TNFSF4: variants seen among roughly 807,000 people sequenced by gnomAD.
The protein encoded by TNFSF4 is TNF superfamily member 4.
A neutral mutation model predicts 7.3 loss-of-function variants in TNFSF4; 4 were observed. That is an observed-to-expected ratio of 0.55 (90% CI 0.27 to 1.25). The LOEUF (loss-of-function observed/expected upper bound fraction) is 1.25, where lower values mean the gene tolerates loss of function less well. Among genes scored for constraint, TNFSF4 ranks in the 50% most tolerant of loss-of-function variants. TNFSF4 has a pLI of 0.12. For synonymous variants in TNFSF4, 76 were observed against 83.7 expected, an observed-to-expected ratio of 0.91 and a Z score of 0.50; for missense variants, 181 against 208.8, an observed-to-expected ratio of 0.87 and a Z score of 0.82.
At chr1:173,352,258 T>C in the TNFSF4 span, among the ~76,000 whole-genome samples, 1 of 152,170 alleles carries the variant, frequency 6.6e-6, no homozygotes, top group Admixed American at 6.5e-5. Flanking sequence ...TGTCGTCTTC[T>C]AAAGTGATCT....
At chr1:173,364,824 C>A in the TNFSF4 span, among the ~76,000 whole-genome samples, 174 of 151,912 alleles carry the variant, frequency 1.1e-3, 3 homozygotes, top group East Asian at 0.033. Flanking sequence ...GGGCAGTAGT[C>A]AAGTTTGTAC....
the TNFSF4 span, among the ~76,000 whole-genome samples, chr1:173,341,779 T>C: frequency 6.6e-6 from 1 of 152,318 alleles, no homozygotes; most frequent in South Asian, 2.1e-4. Context: ...TCTGTTGGTA[T>C]GCGCTCTGAT....
downstream of TNFSF4, among the ~76,000 whole-genome samples, chr1:173,179,887 G>A (rs1349743422): frequency 1.3e-5 from 2 of 152,150 alleles, no homozygotes; most frequent in African/African-American, 2.4e-5. Context: ...GTCTTGGATG[G>A]TATTTTTAAC....
the TNFSF4 span, among the ~76,000 whole-genome samples, chr1:173,276,600 T>C: frequency 2.6e-5 from 4 of 152,168 alleles, no homozygotes; most frequent in Non-Finnish European, 4.4e-5. Flanking sequence ...CCCAGTGGCA[T>C]TGCTGGTTAG....
chr1:173,354,205 A>G, the TNFSF4 span, among the ~76,000 whole-genome samples: 1 of 152,210 alleles, frequency 6.6e-6, no homozygotes, highest in Non-Finnish European at 1.5e-5. Context: ...AGATAATATT[A>G]TAAATATCTC....
chr1:173,340,323 TACACACACACACAC>T, the TNFSF4 span, among the ~76,000 whole-genome samples: 261 of 135,866 alleles, frequency 1.9e-3, 2 homozygotes, highest in African/African-American at 5.0e-3. Flanking sequence ...CTAATCTGTT[TACACACACACACAC>T]ACACACACAC....
chr1:173,241,586 A>C, the TNFSF4 span, among the ~76,000 whole-genome samples: 1 of 152,366 alleles, frequency 6.6e-6, no homozygotes, highest in Admixed American at 6.5e-5. Flanking sequence ...TAAAGAGTAC[A>C]GGATGGCTGA....
chr1:173,414,317 AG>A, the TNFSF4 span, among the ~76,000 whole-genome samples: 1 of 152,066 alleles, frequency 6.6e-6, no homozygotes, highest in Non-Finnish European at 1.5e-5. Flanking sequence ...ACAGAGGAAA[AG>A]ATCTCTGGTA....
chr1:173,226,316 G>A, the TNFSF4 span, among the ~76,000 whole-genome samples: 1 of 152,172 alleles, frequency 6.6e-6, no homozygotes, highest in Non-Finnish European at 1.5e-5. Context: ...AGTGGAATGT[G>A]GGGGGATGTG....
At chr1:173,205,714 A>C in intron 1 of TNFSF4, 1 of 427,646 alleles carries the variant, frequency 2.3e-6, no homozygotes, top group Non-Finnish European at 3.1e-6. Context: ...TGTCTTGGGC[A>C]TCCGGTCGAT....
chr1:173,227,888 G>A, the TNFSF4 span, among the ~76,000 whole-genome samples: 1 of 152,200 alleles, frequency 6.6e-6, no homozygotes, highest in African/African-American at 2.4e-5. Flanking sequence ...GAGGCTGGGG[G>A]AGGGGCGCCC....
At chr1:173,231,422 A>C in the TNFSF4 span, among the ~76,000 whole-genome samples, 1 of 152,178 alleles carries the variant, frequency 6.6e-6, no homozygotes, top group South Asian at 2.1e-4. Flanking sequence ...CTCTCAATAA[A>C]TTAGGTATTG....
chr1:173,216,751 C>T, the TNFSF4 span, among the ~76,000 whole-genome samples: 4 of 152,286 alleles, frequency 2.6e-5, no homozygotes, highest in South Asian at 2.1e-4. Flanking sequence ...AAATCTCACA[C>T]ATACACAAAC....
At chr1:173,382,845 G>A in the TNFSF4 span, among the ~76,000 whole-genome samples, 1 of 150,892 alleles carries the variant, frequency 6.6e-6, no homozygotes, top group Non-Finnish European at 1.5e-5. Flanking sequence ...TAATATGGGT[G>A]GGGCACCATT....
chr1:173,435,122 T>C, the TNFSF4 span, among the ~76,000 whole-genome samples: 1 of 152,194 alleles, frequency 6.6e-6, no homozygotes, highest in Admixed American at 6.5e-5. Flanking sequence ...GATCCTATCT[T>C]GCTGGTAAGC....
the TNFSF4 span, among the ~76,000 whole-genome samples, chr1:173,323,490 G>A: frequency 2.6e-5 from 4 of 152,228 alleles, no homozygotes; most frequent in African/African-American, 7.2e-5. Context: ...CTCCTCACCA[G>A]CAGTGGAATA....
At chr1:173,337,100 A>T in the TNFSF4 span, among the ~76,000 whole-genome samples, 1 of 152,218 alleles carries the variant, frequency 6.6e-6, no homozygotes, top group Non-Finnish European at 1.5e-5. Flanking sequence ...AACCATACTT[A>T]AAATGACAGT....
At chr1:173,331,934 G>A in the TNFSF4 span, among the ~76,000 whole-genome samples, 3 of 152,066 alleles carry the variant, frequency 2.0e-5, no homozygotes, top group East Asian at 5.8e-4. Flanking sequence ...GACATTTTTG[G>A]TTGTCATATC....
chr1:173,305,355 T>C, the TNFSF4 span, among the ~76,000 whole-genome samples: 1 of 152,060 alleles, frequency 6.6e-6, no homozygotes, highest in South Asian at 2.1e-4. Context: ...ATTCAGGGAA[T>C]GTATTCAGCT....
Sources: gnomAD v4.1 joint callset for allele counts (sites outside exome capture counted in the v4.1 genomes callset) on GRCh38, gnomAD v4.1.1 for gene constraint, MANE v1.5 for transcripts, NCBI Gene and HGNC (gene_info 2026-07-23, HGNC 2026-07-21) for gene names.